The following WSB1 variants were observed in gnomAD, a reference collection of about 807,000 sequenced individuals.
WSB1 encodes WD repeat and SOCS box-containing protein 1.
WSB1 carries 23 observed loss-of-function variants against 50.2 expected under a neutral mutation model. The ratio of observed to expected loss-of-function variants is 0.46; its 90% confidence interval spans 0.33 to 0.65. The LOEUF (loss-of-function observed/expected upper bound fraction) is 0.65. Among genes scored for constraint, WSB1 ranks in the 30% least tolerant of loss-of-function variants. The pLI, the probability that WSB1 is intolerant of heterozygous loss-of-function variation, is 0.02. For synonymous variants in WSB1, 179 were observed against 172.0 expected, an observed-to-expected ratio of 1.04 and a Z score of -0.32; for missense variants, 492 against 522.3, an observed-to-expected ratio of 0.94 and a Z score of 0.56.
In WSB1 at chr17:27,312,877, CA is replaced by C. The variant is rs780575361; in HGVS notation, c.*522del. 0.037 allele frequency: 4,501 copies of C among 122,046 alleles called. 191 individuals carry two copies. Among genetic ancestry groups the C allele is most frequent in the African/African-American group, 0.11 (3,792 of 33,782 alleles). The allele number at this position is 122,046 out of a possible 1,614,324, so 7.6% of individuals were successfully genotyped here. The stretch of plus-strand genomic sequence containing the variant: ...TGAAACCCTGTCTCTACTAAAAATA[CA>C]AAAAAAAAAAAAATTAGCCAGGCGT... On this transcript the variant is annotated 3_prime_UTR_variant, in exon 9 of 9. Coordinates refer to ENST00000262394, the MANE Select transcript of WSB1 (RefSeq NM_015626.10).
At chr17:27,307,606 A>G (rs1364491706) in intron 5 of WSB1, 5 of 800,286 alleles carry the variant, frequency 6.2e-6, no homozygotes, top group Admixed American at 6.1e-5. Flanking sequence ...TGTTAAAATG[A>G]TAGTTATAAA....
At position 27,314,332 on chromosome 17, in the gene WSB1, T is replaced by G. The variant is rs1348792063; in HGVS notation, c.*1963T>G. ...GCCCACACCTATAATCCCAGCACTT[T>G]GGGAGGCCAAGGCAGGTGGGTCACT... is the stretch of plus-strand genomic sequence containing the variant. On this transcript the variant is annotated 3_prime_UTR_variant, in exon 9 of 9. Transcript: ENST00000262394. 6.6e-6 allele frequency: 1 copy of G among 152,186 alleles called. No homozygotes were observed. The highest frequency in any genetic ancestry group is 1.5e-5 in the Non-Finnish European group (1 of 68,038). The allele number at this position is 152,186 out of a possible 1,614,324, so 9.4% of individuals were successfully genotyped here.
intron 2 of WSB1, chr17:27,302,659 A>C (rs2017283810): frequency 6.6e-6 from 1 of 152,166 alleles, no homozygotes; most frequent in African/African-American, 2.4e-5. Flanking sequence ...TCCTGACTTT[A>C]GGTGATCCAC....
rs142949229 is a variant in WSB1, at chr17:27,311,633, CTTTTTTTT to C, written c.1106+36_1106+43del. 134 of 490,992 alleles carry C rather than the reference CTTTTTTTT, an allele frequency of 2.7e-4. No individual in the cohort carries two copies. The highest frequency in any genetic ancestry group is 1.1e-3 in the South Asian group (41 of 35,942). 30.4% of individuals were successfully genotyped at this position (490,992 alleles called of 1,614,324 possible). ...AGCTGCTGGGTAAATATATTTTTCT[CTTTTTTTT>C]TTTTTTTTTTTTTTTTTTGAGATGT... is the stretch of plus-strand genomic sequence containing the variant. On this transcript the variant is annotated intron_variant, in intron 8 of 8. Coordinates refer to ENST00000262394, the MANE Select transcript of WSB1 (RefSeq NM_015626.10).
Position 27,306,649 on chromosome 17 carries a change from A to G in WSB1, c.611-133A>G, listed in dbSNP as rs539569884. The G allele has an allele frequency of 5.1e-6, 4 of 784,096 alleles. No individual in the cohort carries two copies. In the South Asian group the frequency reaches 5.5e-5, roughly 11 times the overall value. 48.6% of individuals were successfully genotyped at this position (784,096 alleles called of 1,614,324 possible). A position where few individuals can be genotyped will look rare whatever the true frequency, so the allele number is the denominator to read the frequency against. On this transcript the variant is annotated intron_variant, in intron 4 of 8. Coordinates refer to ENST00000262394, the MANE Select transcript of WSB1 (RefSeq NM_015626.10). ...TTTAAAACCTAAGCAGCTGGTGTAT[A>G]TCGGTAACCCTTGTTATAGATAAAT...
chr17:27,309,338 A>C, intron 6 of WSB1, 66 bp downstream of exon 6: 1 of 1,290,148 alleles, frequency 7.8e-7, no homozygotes, highest in East Asian at 2.4e-5. Context: ...GTGAATAATT[A>C]CAATCACCAA....
rs1400581582 is a variant in WSB1, at chr17:27,311,712, G to A, written c.1106+96G>A. 4 of 897,534 alleles carry A rather than the reference G, an allele frequency of 4.5e-6. No individual in the cohort carries two copies. In the Admixed American group the frequency reaches 1.1e-4, roughly 24 times the overall value. The allele number at this position is 897,534 out of a possible 1,614,324, so 55.6% of individuals were successfully genotyped here. On this transcript the variant is annotated intron_variant, in intron 8 of 8. Transcript: ENST00000262394. ...AGTGGTGCAATCTCTGCTCACTGTAGCCTCCGTCTTCCAGTTCAAGGAGAT... is the reference window on the plus strand; with the variant it reads ...AGTGGTGCAATCTCTGCTCACTGTAACCTCCGTCTTCCAGTTCAAGGAGAT...
chr17:27,295,843 T>C (rs917716597), intron 1 of WSB1, among the ~76,000 whole-genome samples: 15 of 149,184 alleles, frequency 1.0e-4, no homozygotes, highest in Non-Finnish European at 1.6e-4. Flanking sequence ...CTCTCTCTCT[T>C]TTTTTTTTTT....
At chr17:27,305,034 C>A in intron 4 of WSB1, 123 bp downstream of exon 4, 1 of 1,240,264 alleles carries the variant, frequency 8.1e-7, no homozygotes, top group South Asian at 1.4e-5. Context: ...CTTTTCTCTG[C>A]CTTAACACTT....
chr17:27,306,674 T>C, intron 4 of WSB1, 108 bp from the exon 5 acceptor site: 1 of 1,051,128 alleles, frequency 9.5e-7, no homozygotes, highest in Non-Finnish European at 1.4e-6. Flanking sequence ...TATAGATAAA[T>C]TGCTTTCAGC....
At chr17:27,296,878 A>G (rs775070706) in intron 1 of WSB1, among the ~76,000 whole-genome samples, 19 of 152,228 alleles carry the variant, frequency 1.2e-4, no homozygotes, top group Non-Finnish European at 2.5e-4. Flanking sequence ...GCACTTTATT[A>G]CAAACTTTGT....
In WSB1 at chr17:27,310,432, A is replaced by C. The variant is rs185216835; in HGVS notation, c.998+258A>C. Among the ~76,000 whole-genome samples the C allele has an allele frequency of 4.8e-3, 640 of 134,258 alleles. 7 individuals are homozygous for C. The highest frequency in any genetic ancestry group is 0.016 in the African/African-American group (611 of 38,808). 88.1% of individuals were successfully genotyped at this position (134,258 alleles called of 152,430 possible). A position where few individuals can be genotyped will look rare whatever the true frequency, so the allele number is the denominator to read the frequency against. On this transcript the variant is annotated intron_variant, in intron 7 of 8. Transcript: ENST00000262394. ...TTAGTCAGCTTTTAGCCCAGCTTAC[A>C]GAGATTTTTTAAAGTAATGTCTTAA...
intron 3 of WSB1, among the ~76,000 whole-genome samples, chr17:27,304,075 G>A (rs915684956): frequency 6.6e-6 from 1 of 152,036 alleles, no homozygotes; most frequent in Non-Finnish European, 1.5e-5. Context: ...AATTCTTTGG[G>A]CAACTAGAAA....
chr17:27,307,496 A>G lies in WSB1; in HGVS notation c.711+614A>G, dbSNP rs926385570. 7 of 530,344 alleles carry G rather than the reference A, an allele frequency of 1.3e-5. No homozygotes were observed. In the African/African-American group the frequency reaches 1.4e-4, roughly 10 times the overall value. The allele number at this position is 530,344 out of a possible 1,614,324, so 32.9% of individuals were successfully genotyped here. On this transcript the variant is annotated intron_variant, in intron 5 of 8. Coordinates refer to ENST00000262394, the MANE Select transcript of WSB1 (RefSeq NM_015626.10). ...GATCTCAGTAGCTTCAAGTATTTAT[A>G]AAATGGTTGAAGTCCAAATACATGT... is the stretch of plus-strand genomic sequence containing the variant.
chr17:27,305,800 A>G (rs930521193), intron 4 of WSB1, among the ~76,000 whole-genome samples: 4 of 152,244 alleles, frequency 2.6e-5, no homozygotes, highest in Admixed American at 6.5e-5. Flanking sequence ...AGGGATGCCA[A>G]CAGTTGAAAT....
At chr17:27,307,054 G>T (rs1257114780) in intron 5 of WSB1, 172 bp downstream of exon 5, 1 of 633,714 alleles carries the variant, frequency 1.6e-6, no homozygotes, top group East Asian at 2.9e-5. Context: ...TATAGTTATT[G>T]ATTGCCAAGT....
At chr17:27,295,345 T>C (rs2016910507) in intron 1 of WSB1, among the ~76,000 whole-genome samples, 1 of 152,204 alleles carries the variant, frequency 6.6e-6, no homozygotes, top group Admixed American at 6.5e-5. Flanking sequence ...AGTGAATGTG[T>C]GCCTTTACTA....
chr17:27,310,993 A>T (rs1297851439), intron 7 of WSB1, among the ~76,000 whole-genome samples: 1 of 152,082 alleles, frequency 6.6e-6, no homozygotes, highest in Non-Finnish European at 1.5e-5. Context: ...CCACAGGGGT[A>T]TACCACCACA....
At position 27,311,611 on chromosome 17, in the gene WSB1, T is replaced by G; in HGVS notation, c.1101T>G (p.Ala367=). The G allele has an allele frequency of 1.3e-6, 2 of 1,515,074 alleles. No homozygotes were observed. Among genetic ancestry groups the G allele is most frequent in the Non-Finnish European group, 1.8e-6 (2 of 1,113,896 alleles). 93.9% of individuals were successfully genotyped at this position (1,515,074 alleles called of 1,614,324 possible). ...CAFSTDGSVL[A]AGTHDGSVYF... is the part of the protein sequence containing the mutation. Reference sequence around the variant, plus strand: ...TCTCTACTGATGGCAGTGTTTTAGCTGCTGGGTAAATATATTTTTCTCTTT... The same window carrying G: ...TCTCTACTGATGGCAGTGTTTTAGCGGCTGGGTAAATATATTTTTCTCTTT... The change falls in exon 8 of 9, where the codon GCT becomes GCG. Residue 367 remains alanine (A), a synonymous_variant. Coordinates refer to ENST00000262394, the MANE Select transcript of WSB1 (RefSeq NM_015626.10).
Sources: gnomAD v4.1 joint callset for allele counts (sites outside exome capture counted in the v4.1 genomes callset) on GRCh38, gnomAD v4.1.1 for gene constraint, MANE v1.5 for transcripts, NCBI Gene and HGNC (gene_info 2026-07-23, HGNC 2026-07-21) for gene names.